Variants in ITPR2 observed in about 807,000 individuals in gnomAD.
ITPR2 encodes the protein inositol 1,4,5-trisphosphate receptor type 2.
In ITPR2, 207 loss-of-function variants were observed where a neutral mutation model predicts 317.1. The ratio of observed to expected loss-of-function variants is 0.65; its 90% CI spans 0.58 to 0.73. The LOEUF (loss-of-function observed/expected upper bound fraction) is 0.73. ITPR2 is among the 30% of genes least tolerant of loss of function. The pLI is 0.00. For synonymous variants in ITPR2, 1,156 were observed against 1,149.1 expected, an observed-to-expected ratio of 1.01 and a Z score of -0.12; for missense variants, 2,613 against 3,284.0, an observed-to-expected ratio of 0.80 and a Z score of 4.99.
At chr12:26,573,138 T>C (rs1945203634) in intron 34 of ITPR2, among the ~76,000 whole-genome samples, 1 of 152,024 alleles carries the variant, frequency 6.6e-6, no homozygotes, top group Non-Finnish European at 1.5e-5. Context: ...GATCTCCCAC[T>C]TAAGCTCCTA....
At chr12:26,490,495 T>A (rs1942774739) in intron 39 of ITPR2, among the ~76,000 whole-genome samples, 1 of 152,224 alleles carries the variant, frequency 6.6e-6, no homozygotes, top group African/African-American at 2.4e-5. Context: ...CGAAGCCTGA[T>A]GCACACATGA....
At chr12:26,439,022 C>T in intron 47 of ITPR2, 105 bp downstream of exon 47, 2 of 732,942 alleles carry the variant, frequency 2.7e-6, no homozygotes, top group Non-Finnish European at 4.5e-6. Context: ...ATCAGACCAG[C>T]AAGAAATTAA....
At chr12:26,400,033 A>G (rs1010895977) in intron 53 of ITPR2, 95 bp downstream of exon 53, 3 of 1,310,870 alleles carry the variant, frequency 2.3e-6, no homozygotes, top group Non-Finnish European at 2.1e-6. Flanking sequence ...GGTACAATAT[A>G]TTTTCCTGAA....
intron 39 of ITPR2, among the ~76,000 whole-genome samples, chr12:26,491,195 C>T (rs191335908): frequency 3.3e-5 from 5 of 151,948 alleles, no homozygotes. Context: ...TTTGGAAAGG[C>T]ATCTTTGGCT....
intron 37 of ITPR2, among the ~76,000 whole-genome samples, chr12:26,501,154 A>G (rs1943062088): frequency 6.6e-6 from 1 of 152,160 alleles, no homozygotes; most frequent in African/African-American, 2.4e-5. Flanking sequence ...CAAGATCTAC[A>G]AGGAGGTGAT....
At chr12:26,567,985 T>TATATATATATATTATATATATTATATATA (rs1945037630) in intron 34 of ITPR2, among the ~76,000 whole-genome samples, 1 of 13,936 alleles carries the variant, frequency 7.2e-5, no homozygotes, top group Non-Finnish European at 3.3e-4. Flanking sequence ...ATATTATATA[T>TATATATATATATTATATATATTATATATA]ATATATATAT....
chr12:26,682,772 A>G lies in ITPR2; in HGVS notation c.1149-99T>C, dbSNP rs148497171. ...TCATATATTATATGAACATAAATAC[A>G]TATTAACTAGTAATTGACTCAAGAT... On this transcript the variant is annotated intron_variant, in intron 11 of 56. Transcript: ENST00000381340. The G allele has an allele frequency of 6.3e-4, 430 of 680,236 alleles. 1 individual carries two copies. The African/African-American group carries it at 7.0e-3, about 11-fold the overall frequency. The allele number at this position is 680,236 out of a possible 1,614,324, so 42.1% of individuals were successfully genotyped here. A position where few individuals can be genotyped will look rare whatever the true frequency, so the allele number is the denominator to read the frequency against.
At chr12:26,456,518 C>G (rs1395948362) in intron 45 of ITPR2, among the ~76,000 whole-genome samples, 1 of 152,162 alleles carries the variant, frequency 6.6e-6, no homozygotes, top group Non-Finnish European at 1.5e-5. Context: ...ACCAGCTGCC[C>G]TCGGTGCTGC....
intron 35 of ITPR2, among the ~76,000 whole-genome samples, chr12:26,560,390 A>G (rs1944781895): frequency 6.6e-6 from 1 of 152,048 alleles, no homozygotes; most frequent in African/African-American, 2.4e-5. Context: ...TTAACTTCCA[A>G]TATACTCAGT....
intron 26 of ITPR2, among the ~76,000 whole-genome samples, chr12:26,618,479 C>G (rs1763339596): frequency 6.6e-6 from 1 of 152,256 alleles, no homozygotes. Context: ...AAATGAAAAT[C>G]ACAGCGGAGA....
intron 55 of ITPR2, among the ~76,000 whole-genome samples, chr12:26,381,697 T>C (rs560143514): frequency 1.3e-3 from 196 of 152,288 alleles, no homozygotes; most frequent in African/African-American, 3.4e-3. Flanking sequence ...GAAAAATAAA[T>C]AGACGAGTTT....
At chr12:26,556,438 T>C (rs1944662987) in intron 35 of ITPR2, 63 bp from the exon 36 acceptor site, 1 of 1,507,822 alleles carries the variant, frequency 6.6e-7, no homozygotes, top group Admixed American at 2.0e-5. Flanking sequence ...CTTTCGAAGA[T>C]AAGACAAGCT....
At chr12:26,800,239 C>CA (rs1950532313) in intron 1 of ITPR2, among the ~76,000 whole-genome samples, 1 of 151,080 alleles carries the variant, frequency 6.6e-6, no homozygotes, top group East Asian at 1.9e-4. Flanking sequence ...AAAAAAAGAC[C>CA]AAAAAAAGTT....
chr12:26,786,793 T>TG (rs1469823849), intron 2 of ITPR2, among the ~76,000 whole-genome samples: 1 of 152,226 alleles, frequency 6.6e-6, no homozygotes, highest in Non-Finnish European at 1.5e-5. Flanking sequence ...ACCATGAGTA[T>TG]GAAAAACAAA....
intron 11 of ITPR2, among the ~76,000 whole-genome samples, chr12:26,684,374 G>T (rs1948088778): frequency 6.6e-6 from 1 of 152,128 alleles, no homozygotes; most frequent in Non-Finnish European, 1.5e-5. Flanking sequence ...GTGTGGCCAG[G>T]GCATGGTGAG....
At chr12:26,496,013 T>C (rs1462545650) in intron 37 of ITPR2, among the ~76,000 whole-genome samples, 1 of 152,234 alleles carries the variant, frequency 6.6e-6, no homozygotes, top group Non-Finnish European at 1.5e-5. Flanking sequence ...TACAGGACAT[T>C]TTTAAAATAA....
At chr12:26,541,939 T>C (rs148999433) in intron 37 of ITPR2, among the ~76,000 whole-genome samples, 1 of 151,970 alleles carries the variant, frequency 6.6e-6, no homozygotes, top group African/African-American at 2.4e-5. Context: ...TTCTTAAAGA[T>C]CTTTATTCCA....
chr12:26,726,658 G>A (rs1046809766), intron 2 of ITPR2, among the ~76,000 whole-genome samples: 1 of 151,828 alleles, frequency 6.6e-6, no homozygotes, highest in Non-Finnish European at 1.5e-5. Flanking sequence ...ATTCTCATTC[G>A]ACAAATAACT....
intron 1 of ITPR2, among the ~76,000 whole-genome samples, chr12:26,811,889 C>T (rs1282603310): frequency 2.8e-5 from 4 of 143,056 alleles, no homozygotes; most frequent in East Asian, 4.2e-4. Flanking sequence ...TAGGGCCGGG[C>T]GTGGTGGCTC....
Sources: allele counts gnomAD v4.1 joint callset (sites outside exome capture counted in the v4.1 genomes callset), GRCh38; gene constraint gnomAD v4.1.1; transcripts MANE v1.5; gene names NCBI Gene and HGNC (gene_info 2026-07-23, HGNC 2026-07-21).